Variants in TPST1 observed in about 807,000 individuals in gnomAD.
TPST1 encodes protein-tyrosine sulfotransferase 1.
A neutral mutation model predicts 34.8 loss-of-function variants in TPST1; 20 were observed. The observed-to-expected ratio is 0.57, with a 90% CI of 0.40 to 0.84. TPST1 has a LOEUF of 0.84. Among genes scored for constraint, TPST1 ranks in the 40% least tolerant of loss-of-function variants. The probability of loss-of-function intolerance (pLI) is 0.00; values close to 1 mark genes in which losing one functional copy is unlikely to be tolerated. For synonymous variants in TPST1, 152 were observed against 159.4 expected, an observed-to-expected ratio of 0.95 and a Z score of 0.35; for missense variants, 353 against 455.5, an observed-to-expected ratio of 0.78 and a Z score of 2.05.
At chr7:66,200,766 G>A (rs1789026408), upstream of TPST1, among the ~76,000 whole-genome samples, 1 of 150,714 alleles carries the variant, frequency 6.6e-6, no homozygotes, top group African/African-American at 2.4e-5. Flanking sequence ...TTGCGCTGTC[G>A]CTCAGGCTGG....
chr7:66,213,317 A>G (rs1446236455), intron 1 of TPST1, among the ~76,000 whole-genome samples: 1 of 151,916 alleles, frequency 6.6e-6, no homozygotes, highest in Non-Finnish European at 1.5e-5. Flanking sequence ...CCTGTGTTAT[A>G]TTCATTCTGC....
upstream of TPST1, among the ~76,000 whole-genome samples, chr7:66,203,750 G>T (rs904738400): frequency 2.6e-5 from 4 of 152,186 alleles, no homozygotes; most frequent in African/African-American, 7.2e-5. Context: ...CTCTCAAACT[G>T]CTGGGATTAC....
intron 3 of TPST1, among the ~76,000 whole-genome samples, chr7:66,336,322 A>C (rs1448223948): frequency 6.6e-6 from 1 of 152,166 alleles, no homozygotes; most frequent in Non-Finnish European, 1.5e-5. Flanking sequence ...AAAAAAAAAA[A>C]ATGTTCAGGG....
chr7:66,304,344 G>A (rs1028021467), intron 3 of TPST1, among the ~76,000 whole-genome samples: 2 of 152,282 alleles, frequency 1.3e-5, no homozygotes, highest in Admixed American at 6.5e-5. Flanking sequence ...AGACTGCCAC[G>A]GGGATAAAGT....
intron 4 of TPST1, among the ~76,000 whole-genome samples, chr7:66,355,376 G>A (rs141914815): frequency 6.6e-6 from 1 of 151,948 alleles, no homozygotes; most frequent in East Asian, 1.9e-4. Flanking sequence ...TTGGGAGGGT[G>A]AGGCAGGACA....
intron 4 of TPST1, among the ~76,000 whole-genome samples, chr7:66,353,255 G>T (rs1182181078): frequency 6.6e-6 from 1 of 152,014 alleles, no homozygotes; most frequent in Non-Finnish European, 1.5e-5. Flanking sequence ...AGGTTGCTGA[G>T]CCAAGATTAC....
intron 2 of TPST1, among the ~76,000 whole-genome samples, chr7:66,241,490 T>C (rs1189485332): frequency 6.6e-6 from 1 of 151,600 alleles, no homozygotes; most frequent in Admixed American, 6.6e-5. Context: ...TTATACTTCA[T>C]TTTTTCATTT....
At chr7:66,230,340 C>T (rs1170408832) in intron 1 of TPST1, among the ~76,000 whole-genome samples, 1 of 152,222 alleles carries the variant, frequency 6.6e-6, no homozygotes, top group African/African-American at 2.4e-5. Context: ...ACTATTGTGT[C>T]TGGAATTGGT....
At chr7:66,347,862 A>G (rs558405444) in intron 3 of TPST1, among the ~76,000 whole-genome samples, 1 of 152,294 alleles carries the variant, frequency 6.6e-6, no homozygotes, top group Admixed American at 6.5e-5. Context: ...TAGTTCTAAT[A>G]GTTTTTTTGG....
intron 1 of TPST1, among the ~76,000 whole-genome samples, chr7:66,208,917 C>T (rs758888371): frequency 2.0e-5 from 3 of 152,132 alleles, no homozygotes; most frequent in African/African-American, 7.2e-5. Context: ...ACTAAGTTTT[C>T]AGAAGAGCTG....
At chr7:66,257,780 C>T (rs1271181518) in intron 2 of TPST1, among the ~76,000 whole-genome samples, 1 of 152,092 alleles carries the variant, frequency 6.6e-6, no homozygotes, top group African/African-American at 2.4e-5. Flanking sequence ...TCCTAGAGCC[C>T]CTGTTGTTGA....
At chr7:66,207,440 C>T (rs921326400) in intron 1 of TPST1, among the ~76,000 whole-genome samples, 2 of 152,190 alleles carry the variant, frequency 1.3e-5, no homozygotes, top group Non-Finnish European at 2.9e-5. Context: ...AGGGGTCTTA[C>T]TTTCGAAAGC....
intron 1 of TPST1, among the ~76,000 whole-genome samples, chr7:66,235,821 G>A (rs1253718344): frequency 1.3e-5 from 2 of 152,152 alleles, no homozygotes; most frequent in African/African-American, 4.8e-5. Flanking sequence ...GTTTGGAAAG[G>A]TGGGACAGCT....
chr7:66,201,730 G>C (rs538391737), upstream of TPST1, among the ~76,000 whole-genome samples: 90 of 151,844 alleles, frequency 5.9e-4, no homozygotes, highest in African/African-American at 2.1e-3. Context: ...GCGTGCACCC[G>C]TAGTCTTAGC....
intron 2 of TPST1, among the ~76,000 whole-genome samples, chr7:66,272,520 G>T (rs958107439): frequency 6.6e-6 from 1 of 150,990 alleles, no homozygotes; most frequent in Non-Finnish European, 1.5e-5. Flanking sequence ...CATCCTCAGT[G>T]GTGAAAAGTT....
chr7:66,251,960 A>G (rs1790271355), intron 2 of TPST1, among the ~76,000 whole-genome samples: 1 of 152,152 alleles, frequency 6.6e-6, no homozygotes, highest in Admixed American at 6.5e-5. Context: ...GTTTGGAGCT[A>G]AGGACATTTT....
At chr7:66,302,117 G>A (rs1051137823) in intron 3 of TPST1, among the ~76,000 whole-genome samples, 1 of 152,190 alleles carries the variant, frequency 6.6e-6, no homozygotes, top group Non-Finnish European at 1.5e-5. Flanking sequence ...GTTAAAGAGA[G>A]CAGTTCTTTC....
At chr7:66,222,081 C>T (rs983101411) in intron 1 of TPST1, among the ~76,000 whole-genome samples, 4 of 152,062 alleles carry the variant, frequency 2.6e-5, no homozygotes, top group African/African-American at 7.2e-5. Context: ...GTTACCTATT[C>T]GTCTATAAAT....
chr7:66,306,263 G>A (rs986362954), intron 3 of TPST1, among the ~76,000 whole-genome samples: 1 of 152,188 alleles, frequency 6.6e-6, no homozygotes, highest in South Asian at 2.1e-4. Flanking sequence ...AGGTAGGCTG[G>A]ATTATACATT....
Sources: allele counts gnomAD v4.1 joint callset (sites outside exome capture counted in the v4.1 genomes callset), GRCh38; gene constraint gnomAD v4.1.1; transcripts MANE v1.5; gene names NCBI Gene and HGNC (gene_info 2026-07-23, HGNC 2026-07-21).